The following MAP3K13 variants were observed in gnomAD, a reference collection of about 807,000 sequenced individuals.
MAP3K13 encodes mitogen-activated protein kinase kinase kinase 13.
Under a neutral mutation model 104.0 loss-of-function variants are expected in MAP3K13, and 52 were observed. The observed-to-expected ratio is 0.50, with a 90% confidence interval of 0.40 to 0.63. MAP3K13 has a LOEUF of 0.63. Among genes scored for constraint, MAP3K13 ranks in the 20% least tolerant of loss-of-function variants. The pLI is 0.00. For missense variants in MAP3K13, 914 were observed against 1,218.5 expected, an observed-to-expected ratio of 0.75 and a Z score of 3.72; for synonymous variants, 394 against 442.2, an observed-to-expected ratio of 0.89 and a Z score of 1.37.
chr3:185,386,700 C>A (rs1449657370), intron 1 of MAP3K13, among the ~76,000 whole-genome samples: 1 of 152,188 alleles, frequency 6.6e-6, no homozygotes, highest in African/African-American at 2.4e-5. Context: ...TACATATACA[C>A]CGTGGAACAC....
chr3:185,392,711 G>A (rs962707334), intron 1 of MAP3K13, among the ~76,000 whole-genome samples: 2 of 152,082 alleles, frequency 1.3e-5, no homozygotes, highest in Non-Finnish European at 2.9e-5. Flanking sequence ...TCATGGAATA[G>A]GATAAAGAGA....
Position 185,482,129 on chromosome 3 carries a change from A to G in MAP3K13, c.2800-226A>G, listed in dbSNP as rs533554225. On this transcript the variant is annotated intron_variant, in intron 13 of 13. Coordinates refer to ENST00000265026, the MANE Select transcript of MAP3K13 (RefSeq NM_004721.5). The surrounding 1 kb of genome is among the most constrained non-coding windows in gnomAD (Gnocchi z 4.5). ...GTACTTACAACAGTGCCTGGAGCAT[A>G]GTAAACGCTATATAAGTGGTTGTGT... Among the ~76,000 whole-genome samples, 9 of 152,364 alleles carry G rather than the reference A, an allele frequency of 5.9e-5. No homozygotes were observed. Among genetic ancestry groups the G allele is most frequent in the Middle Eastern group, 3.4e-3 (1 of 294 alleles).
intron 2 of MAP3K13, among the ~76,000 whole-genome samples, chr3:185,436,729 G>A (rs915415736): frequency 2.9e-4 from 44 of 152,128 alleles, no homozygotes; most frequent in African/African-American, 8.4e-4. Flanking sequence ...GCAGCCCGGC[G>A]CAGTGGCTCA....
intron 2 of MAP3K13, among the ~76,000 whole-genome samples, chr3:185,321,579 T>C (rs539713891): frequency 9.9e-5 from 15 of 152,184 alleles, no homozygotes; most frequent in Non-Finnish European, 2.2e-4. Context: ...ATTTTTTTAT[T>C]ATAAGTAACC....
At chr3:185,399,831 C>G (rs1008105165) in intron 1 of MAP3K13, among the ~76,000 whole-genome samples, 1 of 151,972 alleles carries the variant, frequency 6.6e-6, no homozygotes, top group Admixed American at 6.6e-5. Flanking sequence ...GGCTCGTTAC[C>G]TCCTCCCTGC....
chr3:185,442,323 A>C (rs908806853), intron 3 of MAP3K13, among the ~76,000 whole-genome samples: 1 of 150,026 alleles, frequency 6.7e-6, no homozygotes, highest in African/African-American at 2.4e-5. Flanking sequence ...TCTGACATGA[A>C]AAAAAAAAAG....
intron 2 of MAP3K13, among the ~76,000 whole-genome samples, chr3:185,302,442 A>G (rs1721142736): frequency 6.6e-6 from 1 of 152,106 alleles, no homozygotes. Flanking sequence ...ACAAATAAAT[A>G]ATATTAAGTC....
At chr3:185,414,672 A>G (rs1174795591) in intron 1 of MAP3K13, among the ~76,000 whole-genome samples, 4 of 152,202 alleles carry the variant, frequency 2.6e-5, no homozygotes, top group Admixed American at 6.6e-5. Context: ...TGTCATTGGA[A>G]GTCGAAGTCT....
Position 185,363,222 on chromosome 3 carries a change from TTGGGCTCCTTTGCGG to T in MAP3K13, c.-225_-211del. 1 of 985,376 alleles carries T rather than the reference TTGGGCTCCTTTGCGG, an allele frequency of 1.0e-6. No homozygotes were observed. 61.0% of individuals were successfully genotyped at this position (985,376 alleles called of 1,614,324 possible). A position where few individuals can be genotyped will look rare whatever the true frequency, so the allele number is the denominator to read the frequency against. On this transcript the variant is annotated 5_prime_UTR_variant, in exon 1 of 14. Coordinates refer to ENST00000265026, the MANE Select transcript of MAP3K13 (RefSeq NM_004721.5). Reference sequence around the variant, plus strand: ...ATGAATCTGTGACGTCAGCAAGCCTTTGGGCTCCTTTGCGGTGGGCTGGAGGATTGTGTGGGTGGA... The same window carrying T: ...ATGAATCTGTGACGTCAGCAAGCCTTTGGGCTGGAGGATTGTGTGGGTGGA...
intron 2 of MAP3K13, among the ~76,000 whole-genome samples, chr3:185,321,248 TATATA>T (rs1189880707): frequency 6.6e-6 from 1 of 152,178 alleles, no homozygotes; most frequent in African/African-American, 2.4e-5. Context: ...ACGTGTATAT[TATATA>T]TATGCACACA....
chr3:185,342,000 A>G (rs1722739029), intron 2 of MAP3K13, among the ~76,000 whole-genome samples: 2 of 152,218 alleles, frequency 1.3e-5, no homozygotes, highest in Admixed American at 1.3e-4. Flanking sequence ...GCTGTGAATA[A>G]CTTGCTCTAG....
chr3:185,372,880 C>A (rs1466755515), intron 1 of MAP3K13, among the ~76,000 whole-genome samples: 10 of 152,184 alleles, frequency 6.6e-5, no homozygotes, highest in East Asian at 3.9e-4. Flanking sequence ...TCCTCTTTTT[C>A]CCCTGCCAGG....
intron 2 of MAP3K13, among the ~76,000 whole-genome samples, chr3:185,338,949 TAAC>T (rs1490048150): frequency 2.0e-5 from 3 of 152,134 alleles, no homozygotes; most frequent in Non-Finnish European, 2.9e-5. Context: ...AAAGACATAA[TAAC>T]AAGAGCACAA....
In MAP3K13 at chr3:185,486,122, A is replaced by G. The variant is rs1479753629; in HGVS notation, c.*3666A>G. Reference sequence around the variant, plus strand: ...CCTTTAGTGGCAACAGAGAAACATGAGGGTCAGCTTTTATCTTACATCTTT... The same window carrying G: ...CCTTTAGTGGCAACAGAGAAACATGGGGGTCAGCTTTTATCTTACATCTTT... On this transcript the variant is annotated 3_prime_UTR_variant, in exon 14 of 14. Coordinates refer to ENST00000265026, the MANE Select transcript of MAP3K13 (RefSeq NM_004721.5). 6.6e-6 allele frequency: 1 copy of G among 152,180 alleles called. No individual in the cohort carries two copies. Among genetic ancestry groups the G allele is most frequent in the Non-Finnish European group, 1.5e-5 (1 of 68,040 alleles). The allele number at this position is 152,180 out of a possible 1,614,324, so 9.4% of individuals were successfully genotyped here.
Position 185,286,337 on chromosome 3 carries a change from G to A in MAP3K13, c.-86+694G>A, listed in dbSNP as rs150611519. Among the ~76,000 whole-genome samples the A allele has an allele frequency of 5.3e-3, 809 of 152,030 alleles. 12 individuals carry two copies. Among genetic ancestry groups the A allele is most frequent in the African/African-American group, 0.019 (780 of 41,470 alleles). On this transcript the variant is annotated intron_variant, in intron 2 of 14. Transcript: ENST00000424227. ...TAATCACTAAACATTAAACTTACAG[G>A]TTTTTGCTGGTCTCCTTTGTAGATA... is the stretch of plus-strand genomic sequence containing the variant.
At chr3:185,454,930 TGATA>T (rs1213973814) in intron 7 of MAP3K13, among the ~76,000 whole-genome samples, 1 of 82,560 alleles carries the variant, frequency 1.2e-5, no homozygotes, top group Non-Finnish European at 2.4e-5. Context: ...GATATATATA[TGATA>T]TATATATGAG....
chr3:185,427,587 T>C (rs1215214979), intron 1 of MAP3K13, among the ~76,000 whole-genome samples: 1 of 152,152 alleles, frequency 6.6e-6, no homozygotes, highest in Non-Finnish European at 1.5e-5. Flanking sequence ...TAGAAACTTG[T>C]CTTGTCACAG....
chr3:185,331,983 A>G (rs1210755229), intron 2 of MAP3K13, among the ~76,000 whole-genome samples: 3 of 152,218 alleles, frequency 2.0e-5, no homozygotes, highest in Non-Finnish European at 4.4e-5. Context: ...ATAGCTGCCT[A>G]CTAATCCATT....
chr3:185,457,618 G>T (rs1716843464), intron 7 of MAP3K13, among the ~76,000 whole-genome samples: 1 of 152,172 alleles, frequency 6.6e-6, no homozygotes, highest in African/African-American at 2.4e-5. Context: ...TCCCTTTGCA[G>T]TTAAGATTTC....
Sources: allele counts gnomAD v4.1 joint callset (sites outside exome capture counted in the v4.1 genomes callset), GRCh38; gene constraint gnomAD v4.1.1; non-coding constraint Gnocchi (gnomAD v3.1); transcripts MANE v1.5; gene names NCBI Gene and HGNC (gene_info 2026-07-23, HGNC 2026-07-21).